CACNA2D4: variants seen among roughly 807,000 people sequenced by gnomAD.
The protein encoded by CACNA2D4 is calcium voltage-gated channel auxiliary subunit alpha2delta 4, also known as voltage-dependent calcium channel subunit alpha-2/delta-4.
In CACNA2D4, 157 loss-of-function variants were observed where a neutral mutation model predicts 163.8. The ratio of observed to expected loss-of-function variants is 0.96; its 90% CI spans 0.84 to 1.09. CACNA2D4 has a LOEUF of 1.09. Ranked by LOEUF, CACNA2D4 falls within the 50% of genes least tolerant of loss-of-function variation. The pLI, the probability that CACNA2D4 is intolerant of heterozygous loss-of-function variation, is 0.00. For missense variants in CACNA2D4, 1,410 were observed against 1,479.9 expected, an observed-to-expected ratio of 0.95 and a Z score of 0.78; for synonymous variants, 598 against 586.9, an observed-to-expected ratio of 1.02 and a Z score of -0.27.
rs2154448375 is a variant in CACNA2D4 at position 1,856,333 on chromosome 12, T to G, written c.2009-104A>C. 2.4e-6 allele frequency: 3 copies of G among 1,250,312 alleles called. No homozygotes were observed. The African/African-American group carries it at 4.4e-5, about 18-fold the overall frequency. 77.5% of individuals were successfully genotyped at this position (1,250,312 alleles called of 1,614,324 possible). A position where few individuals can be genotyped will look rare whatever the true frequency, so the allele number is the denominator to read the frequency against. On this transcript the variant is annotated intron_variant, in intron 20 of 37. Coordinates refer to ENST00000382722, the MANE Select transcript of CACNA2D4 (RefSeq NM_172364.5). ...CCAGTGAGTTTCTAAAGAAAGGGAC[T>G]GGGGTCTGTTCTTTCTTGCTCTTAG...
Position 1,874,608 on chromosome 12 carries a change from T to C in CACNA2D4, c.1874A>G (p.Lys625Arg), listed in dbSNP as rs745930407. Residue 625 changes from lysine (K) to arginine (R), a missense_variant, in exon 18 of 38, where the codon AAA becomes AGA. Coordinates refer to ENST00000382722, the MANE Select transcript of CACNA2D4 (RefSeq NM_172364.5). The surrounding 1 kb of genome is among the most constrained non-coding windows in gnomAD (Gnocchi z 4.4). ...TGGCTGTTTCTAGCTCCTTACCCCT[T>C]TATCCATCGGAACCTTCACATCCAT... ...LSMDVKVPMD[K>R]GKRVLFLTND... 3 of 1,609,918 alleles carry C rather than the reference T, an allele frequency of 1.9e-6. No individual in the cohort carries two copies. The highest frequency in any genetic ancestry group is 2.2e-5 in the South Asian group (2 of 90,990).
chr12:1,907,389 T>G, intron 6 of CACNA2D4, 51 bp downstream of exon 6: 1 of 1,085,268 alleles, frequency 9.2e-7, no homozygotes, highest in Admixed American at 2.5e-5. Flanking sequence ...CCCCTATTAT[T>G]TCCAGAGAAG....
intron 13 of CACNA2D4, 94 bp from the exon 14 acceptor site, chr12:1,879,975 C>T (rs1221492746): frequency 7.0e-6 from 5 of 716,008 alleles, no homozygotes; most frequent in Non-Finnish European, 9.6e-6. Flanking sequence ...CCCACAGTCA[C>T]CACATCAATT....
intron 23 of CACNA2D4, among the ~76,000 whole-genome samples, chr12:1,848,395 A>T (rs769644469): frequency 7.2e-5 from 11 of 152,188 alleles, no homozygotes; most frequent in Non-Finnish European, 1.3e-4. Flanking sequence ...TTGCCTGTCA[A>T]CTGGCCGTGA....
chr12:1,801,430 T>C (rs1172751076), intron 30 of CACNA2D4, 144 bp downstream of exon 30: 1 of 726,240 alleles, frequency 1.4e-6, no homozygotes, highest in Non-Finnish European at 2.4e-6. Flanking sequence ...ACGCCCTGGC[T>C]CCATAAAGGT....
intron 5 of CACNA2D4, 47 bp downstream of exon 5, chr12:1,907,802 TGGTGGGCGTGTCTGGTGGGTGTGCTA>T (rs1368959201): frequency 3.8e-4 from 582 of 1,525,070 alleles, no homozygotes; most frequent in Non-Finnish European, 4.8e-4. Flanking sequence ...TGGGTGTGCC[TGGTGGGCGTGTCTGGTGGGTGTGCTA>T]GGTGGGCGTG....
chr12:1,884,728 G>A (rs1286917746), intron 11 of CACNA2D4, 40 bp downstream of exon 11: 5 of 1,362,758 alleles, frequency 3.7e-6, no homozygotes, highest in Admixed American at 3.6e-5. Flanking sequence ...ATGGCAGCAG[G>A]AGAAGCTTTT....
chr12:1,825,660 C>T (rs930823288), intron 26 of CACNA2D4, among the ~76,000 whole-genome samples: 1 of 152,202 alleles, frequency 6.6e-6, no homozygotes, highest in Non-Finnish European at 1.5e-5. Flanking sequence ...GCACAGCTCT[C>T]TGTGGGTGTG....
At position 1,907,969 on chromosome 12, in the gene CACNA2D4, G is replaced by A. The variant is rs957209600; in HGVS notation, c.555C>T (p.Ala185=). 1.2e-6 allele frequency: 2 copies of A among 1,613,924 alleles called. No homozygotes were observed. Among genetic ancestry groups the A allele is most frequent in the Non-Finnish European group, 8.5e-7 (1 of 1,179,886 alleles). ...DEKGNFVELG[A]EFLLESNAHF... Reference sequence around the variant, plus strand: ...GAGCATTGGACTCCAGGAGGAACTCGGCGCCCAGCTCCACGAAGTTGCCCT... The same window carrying A: ...GAGCATTGGACTCCAGGAGGAACTCAGCGCCCAGCTCCACGAAGTTGCCCT... The change falls in exon 5 of 38, where the codon GCC becomes GCT. Residue 185 remains alanine, a synonymous_variant. Transcript: ENST00000382722.
chr12:1,819,700 C>T (rs1295187586), intron 26 of CACNA2D4, among the ~76,000 whole-genome samples: 1 of 152,134 alleles, frequency 6.6e-6, no homozygotes, highest in Non-Finnish European at 1.5e-5. Context: ...CTTGCTTTGT[C>T]CTGATTGGTT....
Position 1,846,604 on chromosome 12 carries a change from C to G in CACNA2D4, c.2332G>C (p.Val778Leu), listed in dbSNP as rs1429627928. The change falls in exon 24 of 38, where the codon GTC becomes CTC. Residue 778 changes from valine (V) to leucine (L), a missense_variant. By Grantham distance (32) the Val-to-Leu change is conservative (BLOSUM62 1). Transcript: ENST00000382722. The part of the protein sequence containing the change: ...RSSLFVGSEK[V>L]SDRKFLTPED... ...GCCGGCCCAACCCACCTGTCGGAGA[C>G]CTTCTCGGAGCCCACGAACAAGCTG... 1.3e-6 allele frequency: 2 copies of G among 1,597,346 alleles called. No individual in the cohort carries two copies. The highest frequency in any genetic ancestry group is 1.7e-6 in the Non-Finnish European group (2 of 1,175,186).
At chr12:1,823,316 GATTA>G (rs1864184690) in intron 26 of CACNA2D4, 1 of 152,336 alleles carries the variant, frequency 6.6e-6, no homozygotes, top group East Asian at 1.9e-4. Context: ...GTCTGAGACT[GATTA>G]ATTAACCTCC....
At chr12:1,907,214 G>A (rs1183496721) in intron 6 of CACNA2D4, among the ~76,000 whole-genome samples, 1 of 152,214 alleles carries the variant, frequency 6.6e-6, no homozygotes, top group Admixed American at 6.5e-5. Context: ...CTGGTTTCAT[G>A]GTGTTTGATG....
intron 26 of CACNA2D4, among the ~76,000 whole-genome samples, chr12:1,826,472 C>T (rs1864331541): frequency 8.2e-6 from 1 of 121,844 alleles, no homozygotes; most frequent in Non-Finnish European, 1.6e-5. Context: ...GGTTAGAGAA[C>T]CATGACAGCA....
chr12:1,837,642 G>A (rs1366877875), intron 26 of CACNA2D4, among the ~76,000 whole-genome samples: 1 of 152,180 alleles, frequency 6.6e-6, no homozygotes, highest in Non-Finnish European at 1.5e-5. Flanking sequence ...GCAAACCCTA[G>A]AGGGAAGTGA....
Position 1,799,607 on chromosome 12 carries a change from G to T in CACNA2D4, c.2995+68C>A. 1 of 1,517,672 alleles carries T rather than the reference G, an allele frequency of 6.6e-7. No individual in the cohort carries two copies. The highest frequency in any genetic ancestry group is 9.0e-7 in the Non-Finnish European group (1 of 1,116,372). 94.0% of individuals were successfully genotyped at this position (1,517,672 alleles called of 1,614,324 possible). ...TCCTGGGACAGGTCATGGAGGGTGGGTTCTTTGTAGCTCCTGCTGCGTCCC... is the reference window on the plus strand; with the variant it reads ...TCCTGGGACAGGTCATGGAGGGTGGTTTCTTTGTAGCTCCTGCTGCGTCCC... On this transcript the variant is annotated intron_variant, in intron 34 of 37. Coordinates refer to ENST00000382722, the MANE Select transcript of CACNA2D4 (RefSeq NM_172364.5). The surrounding 1 kb of genome is among the most constrained non-coding windows in gnomAD (Gnocchi z 4.7).
At position 1,874,557 on chromosome 12, in the gene CACNA2D4, T is replaced by C. The variant is rs1565722873; in HGVS notation, c.1878+47A>G. On this transcript the variant is annotated intron_variant, in intron 18 of 37. Coordinates refer to ENST00000382722, the MANE Select transcript of CACNA2D4 (RefSeq NM_172364.5). This position sits in a 1 kb window ranked among gnomAD's most constrained non-coding sequence, Gnocchi z 4.4. ...TCGTCACTACTCCAAACCCAATTAA[T>C]GAAGATGCCTTCCTAGGCCATGCCC... The C allele has an allele frequency of 2.2e-6, 3 of 1,341,538 alleles. No homozygotes were observed. In the South Asian group the frequency reaches 3.5e-5, roughly 16 times the overall value. 83.1% of individuals were successfully genotyped at this position (1,341,538 alleles called of 1,614,324 possible). A position where few individuals can be genotyped will look rare whatever the true frequency, so the allele number is the denominator to read the frequency against.
chr12:1,795,514 G>A (rs1436129178), intron 36 of CACNA2D4, 133 bp from the exon 37 acceptor site: 2 of 974,612 alleles, frequency 2.1e-6, no homozygotes, highest in South Asian at 1.4e-5. Context: ...AGGCAGCACC[G>A]GGGCCCAGGG....
Position 1,883,997 on chromosome 12 carries a change from G to A in CACNA2D4, c.1351+246C>T. Reference sequence around the variant, plus strand: ...GTGACCCTCTGCTTTTTGTCTGGGAGCAGAACCAGAGTCCATGGCTTACTT... The same window carrying A: ...GTGACCCTCTGCTTTTTGTCTGGGAACAGAACCAGAGTCCATGGCTTACTT... On this transcript the variant is annotated intron_variant, in intron 12 of 37. Coordinates refer to ENST00000382722, the MANE Select transcript of CACNA2D4 (RefSeq NM_172364.5). This position sits in a 1 kb window ranked among gnomAD's most constrained non-coding sequence, Gnocchi z 4.5. The A allele has an allele frequency of 2.0e-6, 1 of 495,520 alleles. No individual in the cohort carries two copies. The highest frequency in any genetic ancestry group is 3.6e-6 in the Non-Finnish European group (1 of 277,904). 30.7% of individuals were successfully genotyped at this position (495,520 alleles called of 1,614,324 possible). A position where few individuals can be genotyped will look rare whatever the true frequency, so the allele number is the denominator to read the frequency against.
Sources: allele counts gnomAD v4.1 joint callset (sites outside exome capture counted in the v4.1 genomes callset), GRCh38; gene constraint gnomAD v4.1.1; non-coding constraint Gnocchi (gnomAD v3.1); transcripts MANE v1.5; gene names NCBI Gene and HGNC (gene_info 2026-07-23, HGNC 2026-07-21).